SIGLEC14: variants seen among roughly 807,000 people sequenced by gnomAD.
SIGLEC14 encodes sialic acid-binding Ig-like lectin 14.
A neutral mutation model predicts 34.2 loss-of-function variants in SIGLEC14; 11 were observed. The observed-to-expected ratio is 0.32, with a 90% CI of 0.20 to 0.53. The LOEUF is 0.53. SIGLEC14 is among the 20% of genes least tolerant of loss of function. The pLI, the probability that SIGLEC14 is intolerant of heterozygous loss-of-function variation, is 0.95. For missense variants in SIGLEC14, 264 were observed against 439.0 expected (o/e 0.60, Z 3.56); for synonymous variants, 99 against 179.7 (o/e 0.55, Z 3.59).
chr19:51,643,483 G>GGGGGGGGGGGGCCCCCCC, intron 6 of SIGLEC14, 54 bp downstream of exon 6: 4 of 1,297,872 alleles, frequency 3.1e-6, no homozygotes, highest in Non-Finnish European at 3.0e-6. Flanking sequence ...GGGCAGGACA[G>GGGGGGGGGGGGCCCCCCC]CTCAGCCCCA....
At position 51,642,108 on chromosome 19, in the gene SIGLEC14, A is replaced by G. The variant is rs1983918428; in HGVS notation, c.*1247T>C. On this transcript the variant is annotated 3_prime_UTR_variant, in exon 7 of 7. Transcript: ENST00000360844. ...ATTCAAAGGAAATCTCAGGGGAAAGAAGGAAATATTTTGAACTAATATAAA... is the reference window on the plus strand; with the variant it reads ...ATTCAAAGGAAATCTCAGGGGAAAGGAGGAAATATTTTGAACTAATATAAA... 1.4e-5 allele frequency among the ~76,000 whole-genome samples: 2 copies of G among 139,640 alleles called. 1 individual carries two copies. Among genetic ancestry groups the G allele is most frequent in the Admixed American group, 1.4e-4 (2 of 14,456 alleles). The allele number at this position is 139,640 out of a possible 152,430, so 91.6% of individuals were successfully genotyped here.
chr19:51,640,824 A>C lies in SIGLEC14; in HGVS notation c.*2531T>G, dbSNP rs1983889311. Among the ~76,000 whole-genome samples the C allele has an allele frequency of 1.4e-5, 2 of 138,218 alleles. 1 individual carries two copies. The highest frequency in any genetic ancestry group is 3.1e-5 in the Non-Finnish European group (2 of 64,736). The allele number at this position is 138,218 out of a possible 152,430, so 90.7% of individuals were successfully genotyped here. On this transcript the variant is annotated 3_prime_UTR_variant, in exon 7 of 7. Transcript: ENST00000360844. ...CCTTGTCTCTACTAAATACAAAAAA[A>C]ACTAGCCAGGCGTGATGGTGCGTGC...
Position 51,646,571 on chromosome 19 carries a change from C to T in SIGLEC14, c.107G>A (p.Cys36Tyr), listed in dbSNP as rs1426157177. Residue 36 changes from cysteine to tyrosine, a missense_variant, in exon 2 of 7, where the codon TGC (cysteine) becomes TAC (tyrosine). By Grantham distance (194) the Cys-to-Tyr change is radical. Transcript: ENST00000360844. ...QKSVTVQEGL[C>Y]VLVPCSFSYP... is the part of the protein sequence containing the mutation. ...AGAGAAGGAGCAGGGCACAAGGACGCACAGGCCCTCCTGCACCGTCACCGA... is the reference window on the plus strand; with the variant it reads ...AGAGAAGGAGCAGGGCACAAGGACGTACAGGCCCTCCTGCACCGTCACCGA... 1.9e-6 allele frequency: 1 copy of T among 514,794 alleles called. No homozygotes were observed. The highest frequency in any genetic ancestry group is 3.3e-5 in the East Asian group (1 of 30,726). 31.9% of individuals were successfully genotyped at this position (514,794 alleles called of 1,614,324 possible).
Position 51,643,543 on chromosome 19 carries a change from T to C in SIGLEC14, c.1142A>G (p.Tyr381Cys), listed in dbSNP as rs780236576. 1.3e-6 allele frequency: 2 copies of C among 1,518,752 alleles called. No individual in the cohort carries two copies. The highest frequency in any genetic ancestry group is 3.6e-5 in the East Asian group (1 of 28,028). 94.1% of individuals were successfully genotyped at this position (1,518,752 alleles called of 1,614,324 possible). Residue 381 changes from tyrosine to cysteine, a missense_variant, in exon 6 of 7, where the codon TAT (tyrosine) becomes TGT (cysteine). By Grantham distance (194) the Tyr-to-Cys change is radical. Around this residue, in one of 5 missense-constraint regions of SIGLEC14, gnomAD observed 149 missense variants for 184.4 expected, o/e 0.81. Coordinates refer to ENST00000360844, the MANE Select transcript of SIGLEC14 (RefSeq NM_001098612.3). ...GACAGGCAGTCCGGCTCACCTGGTA[T>C]AGTAGATCCAGGTGAGGCCATAGGT... ...LLTYGLTWIY[Y>C]TRCGGPQQSR...
In SIGLEC14 at chr19:51,640,799, C is replaced by T. The variant is rs533807702; in HGVS notation, c.*2556G>A. 2.9e-5 allele frequency among the ~76,000 whole-genome samples: 4 copies of T among 137,982 alleles called. 1 individual carries two copies. In the South Asian group the frequency reaches 9.9e-4, roughly 34 times the overall value. 90.5% of individuals were successfully genotyped at this position (137,982 alleles called of 152,430 possible). On this transcript the variant is annotated 3_prime_UTR_variant, in exon 7 of 7. Transcript: ENST00000360844. ...GACCAGCCTGACTTACATGGTGAAA[C>T]CTTGTCTCTACTAAATACAAAAAAA...
rs780995030 is a variant in SIGLEC14 at position 51,645,542 on chromosome 19, A to G, written c.701-12T>C. 2.6e-5 allele frequency: 40 copies of G among 1,531,328 alleles called. 8 individuals are homozygous for G. Among genetic ancestry groups the G allele is most frequent in the Non-Finnish European group, 3.5e-5 (40 of 1,139,626 alleles). The allele number at this position is 1,531,328 out of a possible 1,614,324, so 94.9% of individuals were successfully genotyped here. The stretch of plus-strand genomic sequence containing the variant: ...GTTCTGTGGAGCATCTGGGATAGAA[A>G]GATACAGCACCAGCTTCAGAGGTGA... On this transcript the variant is annotated splice_polypyrimidine_tract_variant and intron_variant, in intron 3 of 6. Transcript: ENST00000360844.
At position 51,639,690 on chromosome 19, in the gene SIGLEC14, T is replaced by C. The variant is rs1158217458; in HGVS notation, c.*3665A>G. 1.4e-5 allele frequency: 2 copies of C among 139,388 alleles called. 1 individual carries two copies. The highest frequency in any genetic ancestry group is 6.5e-4 in the East Asian group (2 of 3,056). The allele number at this position is 139,388 out of a possible 1,614,324, so 8.6% of individuals were successfully genotyped here. A position where few individuals can be genotyped will look rare whatever the true frequency, so the allele number is the denominator to read the frequency against. ...CCATTCATGAAGGATGGCACCATTATGGGTTAATCACTTTCCAAAAAGCCC... is the reference window on the plus strand; with the variant it reads ...CCATTCATGAAGGATGGCACCATTACGGGTTAATCACTTTCCAAAAAGCCC... On this transcript the variant is annotated 3_prime_UTR_variant, in exon 7 of 7. Transcript: ENST00000360844.
intron 6 of SIGLEC14, 54 bp downstream of exon 6, chr19:51,643,483 G>GGGGGGGCCCCCCC: frequency 2.3e-6 from 3 of 1,297,886 alleles, no homozygotes; most frequent in Non-Finnish European, 2.0e-6. Flanking sequence ...GGGCAGGACA[G>GGGGGGGCCCCCCC]CTCAGCCCCA....
At chr19:51,645,654 A>T in intron 3 of SIGLEC14, 124 bp from the exon 4 acceptor site, 1 of 1,452,808 alleles carries the variant, frequency 6.9e-7, no homozygotes, top group Non-Finnish European at 9.3e-7. Flanking sequence ...TCCTGCCCAC[A>T]CACGAGTTTT....
chr19:51,640,966 ACT>A lies in SIGLEC14; in HGVS notation c.*2387_*2388del, dbSNP rs545446226. Among the ~76,000 whole-genome samples, 20 of 138,876 alleles carry A rather than the reference ACT, an allele frequency of 1.4e-4. 6 individuals are homozygous for A. Among genetic ancestry groups the A allele is most frequent in the Non-Finnish European group, 2.3e-4 (15 of 64,820 alleles). 91.1% of individuals were successfully genotyped at this position (138,876 alleles called of 152,430 possible). On this transcript the variant is annotated 3_prime_UTR_variant, in exon 7 of 7. Transcript: ENST00000360844. ...CTCCAGCCTGGGCAAAAAGAGCGAA[ACT>A]CTGTCTCAAAAAAAAATTTTTTTTA...
chr19:51,646,117 A>G, intron 2 of SIGLEC14, 57 bp from the exon 3 acceptor site: 1 of 803,886 alleles, frequency 1.2e-6, no homozygotes, highest in Non-Finnish European at 1.8e-6. Context: ...GTAAGGTGTG[A>G]CCCCGAGAGT....
chr19:51,645,619 C>T, intron 3 of SIGLEC14, 89 bp from the exon 4 acceptor site: 1 of 1,459,880 alleles, frequency 6.8e-7, no homozygotes, highest in African/African-American at 1.5e-5. Context: ...GCCACAGAAA[C>T]CCACCAGGTG....
In SIGLEC14 at chr19:51,643,790, A is replaced by C. The variant is rs1348077308; in HGVS notation, c.1001T>G (p.Leu334Arg). The C allele has an allele frequency of 6.6e-7, 1 of 1,519,486 alleles. No homozygotes were observed. Among genetic ancestry groups the C allele is most frequent in the Non-Finnish European group, 8.8e-7 (1 of 1,132,854 alleles). The allele number at this position is 1,519,486 out of a possible 1,614,324, so 94.1% of individuals were successfully genotyped here. Reference sequence around the variant, plus strand: ...GTCCTGCAACTCACTCTGCACAGAAAGGATGAAGGACAGGTGCTGGGAGCC... The same window carrying C: ...GTCCTGCAACTCACTCTGCACAGAACGGATGAAGGACAGGTGCTGGGAGCC... ...PLGSQHLSFILSVQRSSSSCI... is the reference protein window; with the variant it reads ...PLGSQHLSFIRSVQRSSSSCI... Residue 334 changes from leucine to arginine, a missense_variant, in exon 5 of 7, where the codon CTT becomes CGT. Transcript: ENST00000360844.
Position 51,641,231 on chromosome 19 carries a change from G to A in SIGLEC14, c.*2124C>T, listed in dbSNP as rs538496905. 7.9e-5 allele frequency among the ~76,000 whole-genome samples: 11 copies of A among 138,434 alleles called. 3 individuals are homozygous for A. The highest frequency in any genetic ancestry group is 3.4e-4 in the East Asian group (1 of 2,980). The allele number at this position is 138,434 out of a possible 152,430, so 90.8% of individuals were successfully genotyped here. On this transcript the variant is annotated 3_prime_UTR_variant, in exon 7 of 7. Coordinates refer to ENST00000360844, the MANE Select transcript of SIGLEC14 (RefSeq NM_001098612.3). ...TATGTCTAATTGCCATTTAATATTC[G>A]TCCCATAACAGGGCAATACACATTC...
chr19:51,644,948 G>C (rs764840632), intron 4 of SIGLEC14, among the ~76,000 whole-genome samples: 1 of 137,236 alleles, frequency 7.3e-6, no homozygotes, highest in Non-Finnish European at 1.6e-5. Context: ...CAAAAAGGAC[G>C]ATCAGTTAGA....
intron 4 of SIGLEC14, among the ~76,000 whole-genome samples, chr19:51,645,136 G>C (rs74361350): frequency 0.015 from 2,058 of 139,208 alleles, 434 homozygotes; most frequent in African/African-American, 0.052. Flanking sequence ...AGTTTTGCCA[G>C]ATAAAAGGAG....
Position 51,643,856 on chromosome 19 carries a change from C to G in SIGLEC14, c.935G>C (p.Arg312Thr). 3 of 1,533,298 alleles carry G rather than the reference C, an allele frequency of 2.0e-6. 1 individual carries two copies. Among genetic ancestry groups the G allele is most frequent in the South Asian group, 2.4e-5 (2 of 83,246 alleles). 95.0% of individuals were successfully genotyped at this position (1,533,298 alleles called of 1,614,324 possible). Residue 312 changes from arginine to threonine, a missense_variant, in exon 5 of 7, where the codon AGA (arginine) becomes ACA (threonine). Coordinates refer to ENST00000360844, the MANE Select transcript of SIGLEC14 (RefSeq NM_001098612.3). ...GTLELPNIGA[R>T]EGGEFTCRVQ... is the part of the protein sequence containing the mutation. The stretch of plus-strand genomic sequence containing the variant: ...CCGGCAGGTGAATTCCCCTCCCTCT[C>G]TAGCTCCTATGTTAGGCAGCTCCAG...
chr19:51,643,459 G>A (rs1347793622), intron 6 of SIGLEC14, 62 bp from the exon 7 acceptor site: 6 of 1,380,680 alleles, frequency 4.3e-6, no homozygotes, highest in Non-Finnish European at 5.7e-6. Flanking sequence ...TCCAGGTGGG[G>A]CTGAGCTGTC....
rs1983873094 is a variant in SIGLEC14 at position 51,639,914 on chromosome 19, A to G, written c.*3441T>C. On this transcript the variant is annotated 3_prime_UTR_variant, in exon 7 of 7. Transcript: ENST00000360844. ...CCTGAAGTTTATAAAAGTTAAATTC[A>G]TGAAAAAGAATGAAGAAATTATAAA... 1 of 139,722 alleles carries G rather than the reference A, an allele frequency of 7.2e-6. No individual in the cohort carries two copies. Among genetic ancestry groups the G allele is most frequent in the African/African-American group, 2.7e-5 (1 of 36,900 alleles). 8.7% of individuals were successfully genotyped at this position (139,722 alleles called of 1,614,324 possible).
Sources: gnomAD v4.1 joint callset for allele counts (sites outside exome capture counted in the v4.1 genomes callset) on GRCh38, gnomAD v4.1.1 for gene constraint, gnomAD v4.1.1 regional missense constraint, MANE v1.5 for transcripts, NCBI Gene and HGNC (gene_info 2026-07-23, HGNC 2026-07-21) for gene names.